The following ASTN2 variants were observed in gnomAD, a reference collection of about 807,000 sequenced individuals.
The protein encoded by ASTN2 is astrotactin 2, also known as astrotactin-2.
Under a neutral mutation model 139.8 loss-of-function variants are expected in ASTN2, and 54 were observed. That is an observed-to-expected ratio of 0.39 (90% CI 0.31 to 0.48). The LOEUF (loss-of-function observed/expected upper bound fraction) is 0.48. Ranked by LOEUF, ASTN2 falls within the 20% of genes least tolerant of loss-of-function variation. The pLI is 0.95. For missense variants in ASTN2, 1,565 were observed against 1,725.1 expected (o/e 0.91, Z 1.64); for synonymous variants, 756 against 719.5 (o/e 1.05, Z -0.81).
chr9:116,505,018 T>C (rs183689462), intron 19 of ASTN2, among the ~76,000 whole-genome samples: 17 of 152,098 alleles, frequency 1.1e-4, no homozygotes, highest in African/African-American at 3.9e-4. Context: ...TAAGGTCACT[T>C]GGTTAAATTG....
At chr9:116,987,999 G>A (rs144276888) in intron 7 of ASTN2, among the ~76,000 whole-genome samples, 94 of 152,294 alleles carry the variant, frequency 6.2e-4, no homozygotes, top group Admixed American at 1.4e-3. Context: ...TACTCAGAAT[G>A]CAGCCCAATT....
At chr9:117,399,507 G>T (rs973144117) in intron 1 of ASTN2, among the ~76,000 whole-genome samples, 1 of 152,212 alleles carries the variant, frequency 6.6e-6, no homozygotes, top group East Asian at 1.9e-4. Context: ...GACGGCACAT[G>T]AGTGTTTTAA....
chr9:117,002,539 GCA>G (rs781451208), intron 7 of ASTN2, among the ~76,000 whole-genome samples: 1 of 152,164 alleles, frequency 6.6e-6, no homozygotes, highest in Non-Finnish European at 1.5e-5. Context: ...CATGGATGCT[GCA>G]CAGTTGTTGG....
chr9:116,632,334 T>TAATA (rs1554723376), intron 17 of ASTN2, among the ~76,000 whole-genome samples: 10 of 146,878 alleles, frequency 6.8e-5, no homozygotes, highest in Non-Finnish European at 1.0e-4. Flanking sequence ...TCAATAATAA[T>TAATA]AAAAAAAAAA....
At chr9:117,399,357 A>C (rs1830762694) in intron 1 of ASTN2, among the ~76,000 whole-genome samples, 1 of 152,218 alleles carries the variant, frequency 6.6e-6, no homozygotes, top group Non-Finnish European at 1.5e-5. Flanking sequence ...GTTATGAGGC[A>C]GAAAAGATAT....
intron 5 of ASTN2, among the ~76,000 whole-genome samples, chr9:117,066,037 C>CT (rs1827928642): frequency 1.4e-5 from 2 of 144,268 alleles, no homozygotes; most frequent in Admixed American, 1.4e-4. Flanking sequence ...TTTTATTATA[C>CT]TTTAAGTTTT....
In ASTN2 at chr9:116,831,489, G is replaced by T. The variant is rs563084794; in HGVS notation, c.2041-10706C>A. Among the ~76,000 whole-genome samples, 13 of 152,190 alleles carry T rather than the reference G, an allele frequency of 8.5e-5. No homozygotes were observed. In the South Asian group the frequency reaches 2.7e-3, roughly 32 times the overall value. ...ACTCAGTGCTAAGCAAATGTTTTAG[G>T]AGCTGAAAATGTAGTAGTAAACAAG... On this transcript the variant is annotated intron_variant, in intron 11 of 22. Transcript: ENST00000313400.
intron 7 of ASTN2, among the ~76,000 whole-genome samples, chr9:116,994,072 T>A (rs1836942869): frequency 6.6e-6 from 1 of 151,822 alleles, no homozygotes; most frequent in Admixed American, 6.6e-5. Flanking sequence ...AATGAATGAA[T>A]AAATACCAAA....
chr9:117,183,258 CTCTG>C (rs1321685105), intron 3 of ASTN2, among the ~76,000 whole-genome samples: 2 of 152,190 alleles, frequency 1.3e-5, no homozygotes, highest in African/African-American at 4.8e-5. Flanking sequence ...ACTTTCACTG[CTCTG>C]TCCTAATGAG....
At chr9:117,018,533 G>C (rs938522794) in intron 6 of ASTN2, among the ~76,000 whole-genome samples, 3 of 152,122 alleles carry the variant, frequency 2.0e-5, no homozygotes, top group Non-Finnish European at 4.4e-5. Flanking sequence ...GTGTATGTTT[G>C]TAAGTGTTCC....
intron 16 of ASTN2, among the ~76,000 whole-genome samples, chr9:116,669,280 G>A (rs1859049289): frequency 6.6e-6 from 1 of 152,192 alleles, no homozygotes; most frequent in Non-Finnish European, 1.5e-5. Flanking sequence ...AAATACGTCT[G>A]CAGAGCTGCT....
intron 3 of ASTN2, among the ~76,000 whole-genome samples, chr9:117,162,168 A>G (rs568087913): frequency 7.2e-5 from 11 of 152,200 alleles, no homozygotes; most frequent in African/African-American, 2.4e-4. Context: ...TTTCTATCCT[A>G]TCAGGGGAAG....
chr9:117,205,418 A>G (rs1030440512), intron 3 of ASTN2, among the ~76,000 whole-genome samples: 2 of 152,202 alleles, frequency 1.3e-5, no homozygotes, highest in East Asian at 3.8e-4. Context: ...CCCTTCAAGG[A>G]GGAAACTGAA....
intron 19 of ASTN2, among the ~76,000 whole-genome samples, chr9:116,609,347 C>T (rs1486726337): frequency 1.5e-5 from 2 of 137,032 alleles, no homozygotes; most frequent in African/African-American, 5.6e-5. Flanking sequence ...TATACACACA[C>T]ACACATATAT....
At chr9:117,347,092 G>A (rs900591101) in intron 1 of ASTN2, among the ~76,000 whole-genome samples, 2 of 152,040 alleles carry the variant, frequency 1.3e-5, no homozygotes, top group Non-Finnish European at 2.9e-5. Flanking sequence ...TCTGGCACTG[G>A]CCGACATCCA....
chr9:117,169,079 C>T (rs562631590), intron 3 of ASTN2, among the ~76,000 whole-genome samples: 8 of 151,978 alleles, frequency 5.3e-5, no homozygotes, highest in South Asian at 4.2e-4. Context: ...GAAATCACTA[C>T]GCAGAAATCA....
intron 10 of ASTN2, among the ~76,000 whole-genome samples, chr9:116,936,045 C>T (rs1443086704): frequency 3.3e-5 from 5 of 149,954 alleles, no homozygotes; most frequent in African/African-American, 4.9e-5. Flanking sequence ...TCTTAATTAC[C>T]GAGCTGTGGG....
intron 10 of ASTN2, among the ~76,000 whole-genome samples, chr9:116,925,509 G>A (rs141940689): frequency 6.6e-6 from 1 of 152,168 alleles, no homozygotes; most frequent in Non-Finnish European, 1.5e-5. Flanking sequence ...GGAAGGACAT[G>A]CAGATGTATG....
intron 10 of ASTN2, among the ~76,000 whole-genome samples, chr9:116,884,223 G>A (rs559167245): frequency 1.3e-5 from 2 of 152,200 alleles, no homozygotes; most frequent in East Asian, 3.9e-4. Flanking sequence ...GGGGACTTAT[G>A]CTGCCTAGCA....
Sources: allele counts gnomAD v4.1 joint callset (sites outside exome capture counted in the v4.1 genomes callset), GRCh38; gene constraint gnomAD v4.1.1; transcripts MANE v1.5; gene names NCBI Gene and HGNC (gene_info 2026-07-23, HGNC 2026-07-21).